The following LRP2 variants were observed in gnomAD, a reference collection of about 807,000 sequenced individuals.
The protein encoded by LRP2 is LDL receptor related protein 2.
LRP2 carries 172 observed loss-of-function variants against 531.0 expected under a neutral mutation model. The observed-to-expected ratio is 0.32, with a 90% confidence interval of 0.29 to 0.37. The LOEUF is 0.37. Ranked by LOEUF, LRP2 falls within the 10% of genes least tolerant of loss-of-function variation. The pLI, the probability that LRP2 is intolerant of heterozygous loss-of-function variation, is 1.00. For missense variants in LRP2, 5,167 were observed against 5,868.3 expected (o/e 0.88, Z 3.90); for synonymous variants, 1,992 against 2,027.6 (o/e 0.98, Z 0.47).
At chr2:169,196,293 G>C (rs915247713) in intron 46 of LRP2, among the ~76,000 whole-genome samples, 4 of 152,148 alleles carry the variant, frequency 2.6e-5, no homozygotes, top group African/African-American at 7.2e-5. Context: ...TTATTGACAG[G>C]TTTTTTAAAG....
rs567951392 is a variant in LRP2, at chr2:169,140,273, T to C, written c.13199+182A>G. ...ATCTCCACGGGATTCTTATGCACAT[T>C]CTAGTTAAAGAAGCACTGCCTCAGT... On this transcript the variant is annotated intron_variant, in intron 72 of 78. Coordinates refer to ENST00000649046, the MANE Select transcript of LRP2 (RefSeq NM_004525.3). Among the ~76,000 whole-genome samples, 148 of 152,328 alleles carry C rather than the reference T, an allele frequency of 9.7e-4. 1 individual carries two copies. The highest frequency in any genetic ancestry group is 1.8e-3 in the Non-Finnish European group (124 of 68,032).
chr2:169,291,127 T>C (rs1196837412), intron 7 of LRP2, 130 bp from the exon 8 acceptor site: 1 of 784,054 alleles, frequency 1.3e-6, no homozygotes, highest in East Asian at 2.5e-5. Flanking sequence ...CATTTTACAA[T>C]AAGTTAGTGA....
chr2:169,152,637 G>A (rs1686185865), intron 67 of LRP2, among the ~76,000 whole-genome samples, 162 bp downstream of exon 67: 1 of 152,218 alleles, frequency 6.6e-6, no homozygotes, highest in Non-Finnish European at 1.5e-5. Context: ...GGTAAGTGGA[G>A]GTAGTTGCTG....
intron 16 of LRP2, among the ~76,000 whole-genome samples, chr2:169,269,090 AGC>A (rs1683321576): frequency 6.6e-6 from 1 of 152,232 alleles, no homozygotes; most frequent in Non-Finnish European, 1.5e-5. Context: ...ACCACTGCTC[AGC>A]AAAATAAAAG....
At chr2:169,339,178 C>T (rs1049811993) in intron 1 of LRP2, among the ~76,000 whole-genome samples, 1 of 151,562 alleles carries the variant, frequency 6.6e-6, no homozygotes, top group African/African-American at 2.4e-5. Context: ...CTATATTCAT[C>T]ATCTGCAACC....
chr2:169,351,319 C>T (rs993494552), intron 1 of LRP2, among the ~76,000 whole-genome samples: 9 of 152,176 alleles, frequency 5.9e-5, no homozygotes, highest in Non-Finnish European at 1.0e-4. Context: ...ATAGGCACAT[C>T]TGTACAAGAA....
intron 63 of LRP2, among the ~76,000 whole-genome samples, chr2:169,161,246 C>T (rs1574083687): frequency 6.6e-6 from 1 of 152,302 alleles, no homozygotes; most frequent in Admixed American, 6.5e-5. Flanking sequence ...GCTCTCTGAG[C>T]TTTATTACAT....
At position 169,196,964 on chromosome 2, in the gene LRP2, T is replaced by C. The variant is rs779815104; in HGVS notation, c.8645A>G (p.Tyr2882Cys). The C allele has an allele frequency of 1.2e-6, 2 of 1,614,158 alleles. No homozygotes were observed. Among genetic ancestry groups the C allele is most frequent in the South Asian group, 1.1e-5 (1 of 91,084 alleles). Reference protein sequence around the residue: ...ASGRCIPQHWYCDQETDCFDA... With the variant: ...ASGRCIPQHWCCDQETDCFDA... The stretch of plus-strand genomic sequence containing the variant: ...AAAACAATCTGTTTCTTGATCACAA[T>C]ACCAATGTTGAGGAATACAGCGCCC... The change falls in exon 46 of 79, where the codon TAT becomes TGT. Residue 2882 changes from tyrosine (Y) to cysteine (C), a missense_variant. This residue lies in a region of LRP2 where 1,129 missense variants were observed against 1,362.7 expected (regional missense o/e 0.83). Coordinates refer to ENST00000649046, the MANE Select transcript of LRP2 (RefSeq NM_004525.3).
rs761676614 is a variant in LRP2 at position 169,272,955 on chromosome 2, T to C, written c.2088A>G (p.Gln696=). 3 of 1,613,716 alleles carry C rather than the reference T, an allele frequency of 1.9e-6. No homozygotes were observed. The highest frequency in any genetic ancestry group is 2.5e-6 in the Non-Finnish European group (3 of 1,179,750). ...GFRCKCTFGF[Q]LDTDERHCIA... Reference sequence around the variant, plus strand: ...TGCAGTGGCGCTCATCTGTATCCAGTTGGAAGCCGAATGTGCACTTGCAAC... The same window carrying C: ...TGCAGTGGCGCTCATCTGTATCCAGCTGGAAGCCGAATGTGCACTTGCAAC... Residue 696 remains glutamine (Q), a synonymous_variant, in exon 15 of 79, where the codon CAA becomes CAG. Coordinates refer to ENST00000649046, the MANE Select transcript of LRP2 (RefSeq NM_004525.3).
chr2:169,245,041 TA>T, intron 21 of LRP2, 109 bp from the exon 22 acceptor site: 1 of 1,164,384 alleles, frequency 8.6e-7, no homozygotes, highest in Non-Finnish European at 1.3e-6. Flanking sequence ...GCATTGTATA[TA>T]ATAAGGAGAA....
chr2:169,189,513 A>C (rs1002477724), intron 48 of LRP2, among the ~76,000 whole-genome samples: 1 of 152,212 alleles, frequency 6.6e-6, no homozygotes, highest in Non-Finnish European at 1.5e-5. Context: ...GTCATCAAGC[A>C]AATCACCAAG....
chr2:169,130,820 A>C (rs1238128592), intron 77 of LRP2, among the ~76,000 whole-genome samples: 1 of 152,224 alleles, frequency 6.6e-6, no homozygotes, highest in African/African-American at 2.4e-5. Flanking sequence ...AAGTAAGAGG[A>C]GGAACCAAGG....
chr2:169,361,501 C>T (rs1686164341), intron 1 of LRP2, among the ~76,000 whole-genome samples: 2 of 151,904 alleles, frequency 1.3e-5, no homozygotes, highest in Admixed American at 1.3e-4. Flanking sequence ...CTCTCCTCTT[C>T]CCTTCTTACT....
Position 169,243,503 on chromosome 2 carries a change from T to A in LRP2, c.3450A>T (p.Gln1150His), listed in dbSNP as rs757327993. The A allele has an allele frequency of 3.7e-5, 59 of 1,614,014 alleles. No individual in the cohort carries two copies. The Middle Eastern group carries it at 4.9e-4, about 13-fold the overall frequency. Reference sequence around the variant, plus strand: ...GATTGGGGCAATTAAACTGACTAGGTTGGCATGTCTCTGTCGAATCTAATG... The same window carrying A: ...GATTGGGGCAATTAAACTGACTAGGATGGCATGTCTCTGTCGAATCTAATG... ...EKNCNSTETC[Q>H]PSQFNCPNHR... Residue 1150 changes from glutamine to histidine, a missense_variant, in exon 23 of 79, where the codon CAA becomes CAT. Gln to His is a conservative substitution (Grantham distance 24). Coordinates refer to ENST00000649046, the MANE Select transcript of LRP2 (RefSeq NM_004525.3).
Position 169,182,184 on chromosome 2 carries a change from G to C in LRP2, c.9981C>G (p.Ala3327=), listed in dbSNP as rs149558767. 205 of 1,614,090 alleles carry C rather than the reference G, an allele frequency of 1.3e-4. No homozygotes were observed. The highest frequency in any genetic ancestry group is 1.2e-3 in the Middle Eastern group (7 of 6,052). ...TFCFDNPRGL[A]LHPQYGYLYW... ...GACAATACCCATATTGAGGGTGAAG[G>C]GCAAGTCCTCTGGGATTATCAAAGC... Residue 3327 remains alanine (A), a synonymous_variant, in exon 51 of 79, where the codon GCC becomes GCG. Transcript: ENST00000649046.
chr2:169,209,725 T>C, intron 37 of LRP2, 84 bp from the exon 38 acceptor site: 1 of 1,286,546 alleles, frequency 7.8e-7, no homozygotes, highest in African/African-American at 1.5e-5. Context: ...CAAACCCTCA[T>C]TCCCAACCCC....
intron 68 of LRP2, among the ~76,000 whole-genome samples, chr2:169,147,716 G>T (rs1685968250): frequency 6.6e-6 from 1 of 152,122 alleles, no homozygotes; most frequent in South Asian, 2.1e-4. Context: ...CCTAGACCAG[G>T]GATTGCATGA....
intron 29 of LRP2, among the ~76,000 whole-genome samples, chr2:169,234,468 A>G (rs1385372317): frequency 1.3e-5 from 2 of 152,244 alleles, no homozygotes; most frequent in African/African-American, 2.4e-5. Context: ...CCTGCAAAGG[A>G]CATGAACTCA....
intron 4 of LRP2, among the ~76,000 whole-genome samples, chr2:169,296,917 A>T (rs1028330245): frequency 6.6e-6 from 1 of 152,128 alleles, no homozygotes; most frequent in Non-Finnish European, 1.5e-5. Context: ...GACTTTTGGA[A>T]TGAGGAACAC....
Sources: gnomAD v4.1 joint callset for allele counts (sites outside exome capture counted in the v4.1 genomes callset) on GRCh38, gnomAD v4.1.1 for gene constraint, gnomAD v4.1.1 regional missense constraint, MANE v1.5 for transcripts, NCBI Gene and HGNC (gene_info 2026-07-23, HGNC 2026-07-21) for gene names.